The following MSL2 variants were observed in gnomAD, a reference collection of about 807,000 sequenced individuals.
MSL2 encodes the protein MSL complex subunit 2.
In MSL2, 2 loss-of-function variants were observed where a neutral mutation model predicts 35.8. The ratio of observed to expected loss-of-function variants is 0.06; its 90% CI spans 0.02 to 0.18. The LOEUF is 0.18. MSL2 is among the 10% of genes least tolerant of loss of function. The probability of loss-of-function intolerance (pLI) is 1.00; values close to 1 mark genes in which losing one functional copy is unlikely to be tolerated. For synonymous variants in MSL2, 296 were observed against 255.7 expected, an observed-to-expected ratio of 1.16 and a Z score of -1.50; for missense variants, 523 against 706.7, an observed-to-expected ratio of 0.74 and a Z score of 2.95.
chr3:136,183,413 TG>T (rs1351377958), intron 1 of MSL2, among the ~76,000 whole-genome samples: 2 of 151,926 alleles, frequency 1.3e-5, no homozygotes, highest in African/African-American at 4.8e-5. Flanking sequence ...ATTTTTAAAA[TG>T]AAAGTTTTGT....
At chr3:136,194,662 GA>G (rs367862548) in intron 1 of MSL2, 18,367 of 181,986 alleles carry the variant, frequency 0.1, 43 homozygotes, top group South Asian at 0.15. Flanking sequence ...AAAGGTTTAA[GA>G]AAAAAAAAAA....
Position 136,194,393 on chromosome 3 carries a change from A to G in MSL2, c.142+579T>C, listed in dbSNP as rs544202292. ...TGAAAAAGTGGTAAGTAAAAGTCTCACCAGCTAAAAAGCACTTCGAGTACC... is the reference window on the plus strand; with the variant it reads ...TGAAAAAGTGGTAAGTAAAAGTCTCGCCAGCTAAAAAGCACTTCGAGTACC... On this transcript the variant is annotated intron_variant, in intron 1 of 1. Transcript: ENST00000309993. The G allele has an allele frequency of 1.4e-4, 137 of 984,912 alleles. No individual in the cohort carries two copies. In the African/African-American group the frequency reaches 2.2e-3, roughly 16 times the overall value. The allele number at this position is 984,912 out of a possible 1,614,324, so 61.0% of individuals were successfully genotyped here. A position where few individuals can be genotyped will look rare whatever the true frequency, so the allele number is the denominator to read the frequency against.
chr3:136,163,069 T>TGA (rs750583572), intron 1 of MSL2, among the ~76,000 whole-genome samples: 3 of 151,554 alleles, frequency 2.0e-5, no homozygotes, highest in Non-Finnish European at 4.4e-5. Flanking sequence ...ACTAGCCTGG[T>TGA]GAACATGGTG....
rs1346622729 is a variant in MSL2 at position 136,195,815 on chromosome 3, C to A, written c.-702G>T. ...AGGTGGCGAGGCGGGCGGGAGTCCT[C>A]AACCCGGAGGGGAAGGCCGGGGAGG... On this transcript the variant is annotated 5_prime_UTR_variant, in exon 1 of 2. Coordinates refer to ENST00000309993, the MANE Select transcript of MSL2 (RefSeq NM_018133.4). The A allele has an allele frequency of 4.1e-6, 4 of 984,850 alleles. No homozygotes were observed. Among genetic ancestry groups the A allele is most frequent in the East Asian group, 2.3e-4 (2 of 8,796 alleles). The allele number at this position is 984,850 out of a possible 1,614,324, so 61.0% of individuals were successfully genotyped here. A position where few individuals can be genotyped will look rare whatever the true frequency, so the allele number is the denominator to read the frequency against.
chr3:136,189,870 T>C (rs1940633318), intron 1 of MSL2, among the ~76,000 whole-genome samples: 1 of 152,144 alleles, frequency 6.6e-6, no homozygotes, highest in Non-Finnish European at 1.5e-5. Context: ...AAATGCGCTT[T>C]CATGGTTAAT....
intron 1 of MSL2, among the ~76,000 whole-genome samples, chr3:136,163,688 A>T (rs113587652): frequency 0.065 from 9,912 of 152,282 alleles, 480 homozygotes; most frequent in Non-Finnish European, 0.1. Context: ...TCTCATCTTG[A>T]ATTGTAATCC....
Position 136,195,932 on chromosome 3 carries a change from C to T in MSL2, c.-819G>A. On this transcript the variant is annotated 5_prime_UTR_variant, in exon 1 of 2. Coordinates refer to ENST00000309993, the MANE Select transcript of MSL2 (RefSeq NM_018133.4). ...GCCCCTCGCGCCTCAGTCGCACACT[C>T]CGGGGTCACCAGACTCAAGCGCCGC... 2 of 554,000 alleles carry T rather than the reference C, an allele frequency of 3.6e-6. No individual in the cohort carries two copies. Among genetic ancestry groups the T allele is most frequent in the Non-Finnish European group, 4.6e-6 (2 of 437,226 alleles). 34.3% of individuals were successfully genotyped at this position (554,000 alleles called of 1,614,324 possible). A position where few individuals can be genotyped will look rare whatever the true frequency, so the allele number is the denominator to read the frequency against.
At chr3:136,162,620 A>G (rs1049936303) in intron 1 of MSL2, among the ~76,000 whole-genome samples, 1 of 152,208 alleles carries the variant, frequency 6.6e-6, no homozygotes, top group Non-Finnish European at 1.5e-5. Flanking sequence ...AGGGAGAGAC[A>G]GAACAAAGTG....
At chr3:136,179,116 T>A (rs1351787116) in intron 1 of MSL2, among the ~76,000 whole-genome samples, 1 of 151,634 alleles carries the variant, frequency 6.6e-6, no homozygotes, top group Non-Finnish European at 1.5e-5. Flanking sequence ...GCCTCCCAAT[T>A]AGCTATACCA....
intron 1 of MSL2, among the ~76,000 whole-genome samples, chr3:136,190,201 A>G (rs1041049156): frequency 1.3e-5 from 2 of 152,196 alleles, no homozygotes; most frequent in Non-Finnish European, 2.9e-5. Context: ...AACACTGACC[A>G]ATATATATGG....
chr3:136,168,355 G>T (rs1164870058), intron 1 of MSL2, among the ~76,000 whole-genome samples: 4 of 152,138 alleles, frequency 2.6e-5, no homozygotes, highest in African/African-American at 9.7e-5. Context: ...ACACAAACCA[G>T]TTATCTTAAA....
intron 1 of MSL2, among the ~76,000 whole-genome samples, chr3:136,169,390 T>C (rs1326944123): frequency 6.6e-6 from 1 of 152,148 alleles, no homozygotes; most frequent in Non-Finnish European, 1.5e-5. Context: ...ACATTTATCA[T>C]TTCCTTGTGT....
intron 1 of MSL2, among the ~76,000 whole-genome samples, chr3:136,170,758 C>G (rs555167826): frequency 1.1e-3 from 163 of 152,228 alleles, no homozygotes; most frequent in African/African-American, 3.7e-3. Flanking sequence ...CCACCTCAGC[C>G]TCCCAAAGTG....
chr3:136,180,784 GGGAGGGAGGGAGGGAGGGAGGGAGGGAA>G (rs1417857895), intron 1 of MSL2, among the ~76,000 whole-genome samples: 11 of 56,686 alleles, frequency 1.9e-4, no homozygotes, highest in African/African-American at 4.8e-4. Flanking sequence ...GAGGGAGGGA[GGGAGGGAGGGAGGGAGGGAGGGAGGGAA>G]GGAGGGAAGG....
intron 1 of MSL2, among the ~76,000 whole-genome samples, chr3:136,164,931 T>G (rs1027767427): frequency 1.3e-5 from 2 of 151,992 alleles, no homozygotes; most frequent in Non-Finnish European, 2.9e-5. Context: ...TGGAGTGCAG[T>G]GGCGTGATCT....
At chr3:136,181,303 A>G (rs1467582881) in intron 1 of MSL2, among the ~76,000 whole-genome samples, 6 of 152,148 alleles carry the variant, frequency 3.9e-5, no homozygotes, top group Non-Finnish European at 7.4e-5. Flanking sequence ...TATTGAAACA[A>G]TGAGTAAGAG....
At position 136,150,898 on chromosome 3, in the gene MSL2, A is replaced by G. The variant is rs1360704121; in HGVS notation, c.*249T>C. ...TTCTTGCCAAAGTTCATTTTGTATAAATCAGTTGCATCAGCTTTGTTCTCA... is the reference window on the plus strand; with the variant it reads ...TTCTTGCCAAAGTTCATTTTGTATAGATCAGTTGCATCAGCTTTGTTCTCA... On this transcript the variant is annotated 3_prime_UTR_variant, in exon 2 of 2. Coordinates refer to ENST00000309993, the MANE Select transcript of MSL2 (RefSeq NM_018133.4). 5 of 458,778 alleles carry G rather than the reference A, an allele frequency of 1.1e-5. No individual in the cohort carries two copies. Among genetic ancestry groups the G allele is most frequent in the East Asian group, 1.0e-4 (3 of 30,036 alleles). The allele number at this position is 458,778 out of a possible 1,614,324, so 28.4% of individuals were successfully genotyped here. A position where few individuals can be genotyped will look rare whatever the true frequency, so the allele number is the denominator to read the frequency against.
At chr3:136,179,451 G>GGATTACA (rs1363199918) in intron 1 of MSL2, among the ~76,000 whole-genome samples, 5 of 152,086 alleles carry the variant, frequency 3.3e-5, no homozygotes, top group Non-Finnish European at 5.9e-5. Context: ...TCAAGTGCTG[G>GGATTACA]GATTACAGCA....
chr3:136,193,887 C>CT (rs1174309679), intron 1 of MSL2, among the ~76,000 whole-genome samples: 1 of 152,202 alleles, frequency 6.6e-6, no homozygotes, highest in Non-Finnish European at 1.5e-5. Context: ...ACCGCCACCT[C>CT]TTCTGCACCC....
Sources: gnomAD v4.1 joint callset for allele counts (sites outside exome capture counted in the v4.1 genomes callset) on GRCh38, gnomAD v4.1.1 for gene constraint, MANE v1.5 for transcripts, NCBI Gene and HGNC (gene_info 2026-07-23, HGNC 2026-07-21) for gene names.